The following NRCAM variants were observed in gnomAD, a reference collection of about 807,000 sequenced individuals.
NRCAM encodes the protein neuronal cell adhesion molecule, also known as NgCAM-related cell adhesion molecule.
NRCAM carries 83 observed loss-of-function variants against 156.5 expected under a neutral mutation model. The observed-to-expected ratio is 0.53, with a 90% CI of 0.44 to 0.64. NRCAM has a LOEUF of 0.64. NRCAM is among the 30% of genes least tolerant of loss of function. The pLI is 0.00. For missense variants in NRCAM, 1,417 were observed against 1,597.3 expected (o/e 0.89, Z 1.92); for synonymous variants, 538 against 563.9 (o/e 0.95, Z 0.65).
At chr7:108,385,864 C>T (rs2099739026) in intron 2 of NRCAM, among the ~76,000 whole-genome samples, 1 of 135,730 alleles carries the variant, frequency 7.4e-6, no homozygotes, top group Non-Finnish European at 1.6e-5. Flanking sequence ...TCCATTTAAT[C>T]AAGTGAGATC....
intron 2 of NRCAM, among the ~76,000 whole-genome samples, chr7:108,397,269 T>C (rs1283563739): frequency 2.6e-5 from 4 of 152,224 alleles, no homozygotes; most frequent in African/African-American, 4.8e-5. Context: ...CCTGAAAAGA[T>C]GGTAGTGAAC....
intron 3 of NRCAM, among the ~76,000 whole-genome samples, chr7:108,245,080 A>G (rs762664515): frequency 1.3e-4 from 20 of 152,158 alleles, no homozygotes; most frequent in Non-Finnish European, 2.5e-4. Context: ...CAATTCCAGA[A>G]GGTAACTTTT....
At chr7:108,283,940 GGTTCAA>G (rs2097963806) in intron 3 of NRCAM, among the ~76,000 whole-genome samples, 1 of 152,062 alleles carries the variant, frequency 6.6e-6, no homozygotes, top group African/African-American at 2.4e-5. Context: ...CTGCCTCCTG[GGTTCAA>G]GTGATTATCT....
chr7:108,159,395 T>G, intron 32 of NRCAM, 68 bp downstream of exon 32: 146 of 1,336,046 alleles, frequency 1.1e-4, no homozygotes, highest in Non-Finnish European at 1.4e-4. Context: ...ATATTCTGGC[T>G]GAGTTCTATT....
chr7:108,406,017 G>A (rs1404718659), intron 1 of NRCAM, among the ~76,000 whole-genome samples: 1 of 151,780 alleles, frequency 6.6e-6, no homozygotes. Flanking sequence ...GTCCCCAAGG[G>A]ACTGCTGTGT....
chr7:108,229,244 T>G (rs2093960850), intron 8 of NRCAM, among the ~76,000 whole-genome samples: 1 of 152,208 alleles, frequency 6.6e-6, no homozygotes, highest in Non-Finnish European at 1.5e-5. Context: ...AATTGTGTCT[T>G]TCAAAAATAT....
chr7:108,216,851 G>A (rs2089308515), intron 11 of NRCAM, among the ~76,000 whole-genome samples: 1 of 152,044 alleles, frequency 6.6e-6, no homozygotes. Flanking sequence ...CTTGCATTGG[G>A]TTAGAATAAG....
intron 2 of NRCAM, among the ~76,000 whole-genome samples, chr7:108,335,386 C>G (rs2154256453): frequency 6.7e-6 from 1 of 148,424 alleles, no homozygotes; most frequent in Non-Finnish European, 1.5e-5. Flanking sequence ...AACTTCCCTT[C>G]CAATTCCTCA....
At chr7:108,300,159 A>AAT (rs2098560356) in intron 3 of NRCAM, among the ~76,000 whole-genome samples, 1 of 62,832 alleles carries the variant, frequency 1.6e-5, no homozygotes, top group Non-Finnish European at 3.0e-5. Flanking sequence ...ATTTCTGTTG[A>AAT]CTTTTTTTTT....
chr7:108,168,941 G>C (rs1480770226), intron 28 of NRCAM, among the ~76,000 whole-genome samples: 1 of 152,182 alleles, frequency 6.6e-6, no homozygotes, highest in Non-Finnish European at 1.5e-5. Flanking sequence ...GTATCACTGG[G>C]AAACTCAGGG....
chr7:108,257,111 A>G (rs1156657799), intron 3 of NRCAM, among the ~76,000 whole-genome samples: 2 of 151,388 alleles, frequency 1.3e-5, no homozygotes, highest in Non-Finnish European at 2.9e-5. Context: ...AGGAAAAGAA[A>G]AGAAAAGAAG....
intron 11 of NRCAM, among the ~76,000 whole-genome samples, chr7:108,215,313 C>T (rs576224845): frequency 6.5e-4 from 98 of 150,274 alleles, no homozygotes; most frequent in African/African-American, 2.2e-3. Flanking sequence ...CCTGGGTTCA[C>T]GCCATTCTCC....
intron 2 of NRCAM, among the ~76,000 whole-genome samples, chr7:108,326,395 G>T (rs996786151): frequency 3.9e-5 from 6 of 152,160 alleles, no homozygotes; most frequent in Non-Finnish European, 8.8e-5. Context: ...ATGGCAGTAA[G>T]TATTTCAACT....
intron 3 of NRCAM, chr7:108,242,999 T>C (rs1157791714): frequency 1.3e-5 from 2 of 152,158 alleles, no homozygotes; most frequent in Non-Finnish European, 2.9e-5. Context: ...ATCACAGTGT[T>C]TTATAAAGAA....
intron 11 of NRCAM, among the ~76,000 whole-genome samples, chr7:108,211,834 A>G (rs1405841467): frequency 6.6e-6 from 1 of 152,094 alleles, no homozygotes; most frequent in East Asian, 1.9e-4. Context: ...GTAGCTGAAG[A>G]CAAAGGGCAT....
chr7:108,305,336 T>TA (rs1197679989), intron 3 of NRCAM, among the ~76,000 whole-genome samples: 12 of 152,230 alleles, frequency 7.9e-5, no homozygotes, highest in Admixed American at 7.9e-4. Context: ...GGAACGTAGA[T>TA]ATATTTTCCA....
Position 108,270,246 on chromosome 7 carries a change from C to T in NRCAM, c.-106-30076G>A, listed in dbSNP as rs112480058. On this transcript the variant is annotated intron_variant, in intron 3 of 32. Coordinates refer to ENST00000379028, the MANE Select transcript of NRCAM (RefSeq NM_001037132.4). ...AAGCCAATCATTGTTTCTGGTACATCCTGGATTCTGAGTTGGAACTGGGCT... is the reference window on the plus strand; with the variant it reads ...AAGCCAATCATTGTTTCTGGTACATTCTGGATTCTGAGTTGGAACTGGGCT... Among the ~76,000 whole-genome samples, 10 of 152,276 alleles carry T rather than the reference C, an allele frequency of 6.6e-5. 1 individual carries two copies. Among genetic ancestry groups the T allele is most frequent in the African/African-American group, 2.4e-4 (10 of 41,544 alleles).
intron 1 of NRCAM, among the ~76,000 whole-genome samples, chr7:108,432,337 T>C (rs917858281): frequency 6.6e-6 from 1 of 152,228 alleles, no homozygotes; most frequent in African/African-American, 2.4e-5. Context: ...CTGTAAATTA[T>C]GCCAAATCAT....
chr7:108,345,821 G>C (rs2099349363), intron 2 of NRCAM, among the ~76,000 whole-genome samples: 1 of 152,204 alleles, frequency 6.6e-6, no homozygotes. Context: ...ACAGCAGCCT[G>C]AGTGAATTAA....
Sources: allele counts gnomAD v4.1 joint callset (sites outside exome capture counted in the v4.1 genomes callset), GRCh38; gene constraint gnomAD v4.1.1; transcripts MANE v1.5; gene names NCBI Gene and HGNC (gene_info 2026-07-23, HGNC 2026-07-21).